The following SDK1 variants were observed in gnomAD, a reference collection of about 807,000 sequenced individuals.
The protein encoded by SDK1 is sidekick cell adhesion molecule 1, also known as protein sidekick-1.
SDK1 carries 157 observed loss-of-function variants against 245.5 expected under a neutral mutation model. That is an observed-to-expected ratio of 0.64 (90% CI 0.56 to 0.73). SDK1 has a LOEUF of 0.73. Ranked by LOEUF, SDK1 falls within the 30% of genes least tolerant of loss-of-function variation. The pLI is 0.00. For missense variants in SDK1, 3,583 were observed against 3,002.3 expected, an observed-to-expected ratio of 1.19 and a Z score of -4.52; for synonymous variants, 1,647 against 1,278.5, an observed-to-expected ratio of 1.29 and a Z score of -6.15.
chr7:3,709,231 G>A (rs779723601), intron 4 of SDK1, among the ~76,000 whole-genome samples: 1 of 152,184 alleles, frequency 6.6e-6, no homozygotes, highest in Non-Finnish European at 1.5e-5. Flanking sequence ...ATTCTTGGCT[G>A]ACAGTTATTC....
chr7:3,833,259 C>T (rs979270206), intron 5 of SDK1, among the ~76,000 whole-genome samples: 9 of 152,228 alleles, frequency 5.9e-5, no homozygotes, highest in Middle Eastern at 6.8e-3. Flanking sequence ...GGCGAGCATC[C>T]GGCTGGCCCC....
At chr7:3,803,039 C>G (rs1217270736) in intron 4 of SDK1, among the ~76,000 whole-genome samples, 1 of 152,160 alleles carries the variant, frequency 6.6e-6, no homozygotes, top group African/African-American at 2.4e-5. Flanking sequence ...TTTTTAGAAA[C>G]TACCAAAGTA....
chr7:3,983,190 A>G, intron 13 of SDK1, among the ~76,000 whole-genome samples: 1 of 152,236 alleles, frequency 6.6e-6, no homozygotes, highest in South Asian at 2.1e-4. Flanking sequence ...GCATGAACTT[A>G]GCTGGTAAAG....
chr7:3,760,256 C>G (rs1324441836), intron 4 of SDK1, among the ~76,000 whole-genome samples: 1 of 152,164 alleles, frequency 6.6e-6, no homozygotes, highest in Non-Finnish European at 1.5e-5. Flanking sequence ...CAACAGAAGA[C>G]TCAGGTTGTC....
chr7:3,410,725 T>A (rs1035304338), intron 1 of SDK1, among the ~76,000 whole-genome samples: 5 of 151,940 alleles, frequency 3.3e-5, no homozygotes, highest in Admixed American at 6.6e-5. Context: ...TAGCTGGGGT[T>A]ACAGGCACAC....
At chr7:3,620,042 G>A (rs955666754) in intron 2 of SDK1, among the ~76,000 whole-genome samples, 5 of 152,192 alleles carry the variant, frequency 3.3e-5, no homozygotes, top group Non-Finnish European at 5.9e-5. Context: ...CTCACCATCA[G>A]CAAATCAGCA....
At chr7:3,314,082 G>A (rs1199433227) in intron 1 of SDK1, among the ~76,000 whole-genome samples, 1 of 152,148 alleles carries the variant, frequency 6.6e-6, no homozygotes, top group African/African-American at 2.4e-5. Context: ...GCGCCAATGT[G>A]CAGATGACCC....
At chr7:3,351,333 A>G (rs1275583570) in intron 1 of SDK1, among the ~76,000 whole-genome samples, 3 of 152,218 alleles carry the variant, frequency 2.0e-5, no homozygotes, top group Non-Finnish European at 4.4e-5. Context: ...TATTGATATT[A>G]CTCAACACAA....
At chr7:4,082,787 C>G (rs1781145995) in intron 22 of SDK1, among the ~76,000 whole-genome samples, 1 of 151,938 alleles carries the variant, frequency 6.6e-6, no homozygotes, top group Non-Finnish European at 1.5e-5. Flanking sequence ...CACCAGCTAA[C>G]TTTTTATATT....
intron 7 of SDK1, among the ~76,000 whole-genome samples, chr7:3,955,219 C>T (rs13227338): frequency 0.011 from 1,697 of 152,304 alleles, 16 homozygotes; most frequent in Non-Finnish European, 0.017. Flanking sequence ...TCATGGAATT[C>T]AGTGCTTGTG....
intron 20 of SDK1, among the ~76,000 whole-genome samples, chr7:4,068,687 G>C (rs959127014): frequency 6.7e-6 from 1 of 148,430 alleles, no homozygotes; most frequent in Non-Finnish European, 1.5e-5. Context: ...GTGGGAGACA[G>C]CTCACCTTTT....
chr7:4,045,237 T>C (rs1411322163), intron 17 of SDK1, among the ~76,000 whole-genome samples: 1 of 151,702 alleles, frequency 6.6e-6, no homozygotes, highest in Non-Finnish European at 1.5e-5. Context: ...ATATCACATA[T>C]AGATTTTATT....
rs188104142 is a variant in SDK1 at position 4,160,291 on chromosome 7, G to A, written c.4730-1495G>A. On this transcript the variant is annotated intron_variant, in intron 31 of 44. Transcript: ENST00000404826. ...CCCCACACAAGCTGATGTCATTGTC[G>A]TAATCTCTCTGACAGATTGTGTGAA... is the stretch of plus-strand genomic sequence containing the variant. 2.0e-3 allele frequency among the ~76,000 whole-genome samples: 304 copies of A among 152,276 alleles called. 1 individual carries two copies. Among genetic ancestry groups the A allele is most frequent in the African/African-American group, 6.8e-3 (284 of 41,546 alleles).
intron 4 of SDK1, among the ~76,000 whole-genome samples, chr7:3,807,185 G>A (rs1319589085): frequency 6.6e-6 from 1 of 152,172 alleles, no homozygotes; most frequent in African/African-American, 2.4e-5. Context: ...TTCATGGACG[G>A]AACCCAGGGC....
intron 35 of SDK1, among the ~76,000 whole-genome samples, chr7:4,201,711 C>T (rs1783891803): frequency 6.6e-6 from 1 of 151,590 alleles, no homozygotes; most frequent in African/African-American, 2.4e-5. Flanking sequence ...AGCAGACACC[C>T]AGCATGGCAC....
intron 5 of SDK1, among the ~76,000 whole-genome samples, chr7:3,824,530 G>A (rs1444264884): frequency 6.6e-6 from 1 of 152,152 alleles, no homozygotes; most frequent in African/African-American, 2.4e-5. Context: ...GTTTGCTGTT[G>A]TGGTAATAAT....
chr7:4,143,335 C>T (rs1779709890), intron 28 of SDK1, among the ~76,000 whole-genome samples: 1 of 152,098 alleles, frequency 6.6e-6, no homozygotes, highest in African/African-American at 2.4e-5. Context: ...AGGGGTCTTG[C>T]CAGCTGGAGG....
chr7:3,523,944 G>C (rs564061193), intron 1 of SDK1, among the ~76,000 whole-genome samples: 12 of 152,262 alleles, frequency 7.9e-5, no homozygotes, highest in Admixed American at 5.9e-4. Context: ...CTTGATGTCT[G>C]TACATTCTCC....
At chr7:3,827,330 G>A (rs1307505523) in intron 5 of SDK1, among the ~76,000 whole-genome samples, 3 of 152,120 alleles carry the variant, frequency 2.0e-5, no homozygotes, top group Non-Finnish European at 2.9e-5. Context: ...TGGATCTGAG[G>A]ATGCCTGAGG....
Sources: gnomAD v4.1 joint callset for allele counts (sites outside exome capture counted in the v4.1 genomes callset) on GRCh38, gnomAD v4.1.1 for gene constraint, MANE v1.5 for transcripts, NCBI Gene and HGNC (gene_info 2026-07-23, HGNC 2026-07-21) for gene names.